Variants in KCNJ3 observed in about 807,000 individuals in gnomAD.
KCNJ3 encodes the protein G protein-activated inward rectifier potassium channel 1.
In KCNJ3, 4 loss-of-function variants were observed where a neutral mutation model predicts 39.2. That is an observed-to-expected ratio of 0.10 (90% CI 0.05 to 0.23). KCNJ3 has a LOEUF of 0.23. KCNJ3 is among the 10% of genes least tolerant of loss of function. KCNJ3 has a pLI of 1.00. For synonymous variants in KCNJ3, 230 were observed against 237.4 expected, an observed-to-expected ratio of 0.97 and a Z score of 0.29; for missense variants, 276 against 634.9, an observed-to-expected ratio of 0.43 and a Z score of 6.08.
At chr2:154,729,616 A>G (rs1482408880) in intron 2 of KCNJ3, among the ~76,000 whole-genome samples, 1 of 152,184 alleles carries the variant, frequency 6.6e-6, no homozygotes, top group Non-Finnish European at 1.5e-5. Flanking sequence ...AACCATCTGC[A>G]GTAAAGCAGT....
At chr2:154,835,464 ATGAATATGAATATATAATATTC>A (rs1337019099) in intron 2 of KCNJ3, among the ~76,000 whole-genome samples, 2 of 95,760 alleles carry the variant, frequency 2.1e-5, no homozygotes, top group African/African-American at 6.4e-5. Context: ...TATAATATTC[ATGAATATGAATATATAATATTC>A]ATGAATATGA....
chr2:154,736,811 CTG>C (rs1685555313), intron 2 of KCNJ3, among the ~76,000 whole-genome samples: 4 of 152,108 alleles, frequency 2.6e-5, no homozygotes, highest in Non-Finnish European at 5.9e-5. Context: ...CCAGTGATTC[CTG>C]AGAGACAAGA....
intron 2 of KCNJ3, among the ~76,000 whole-genome samples, chr2:154,757,938 TA>T (rs1316728282): frequency 2.6e-5 from 4 of 152,132 alleles, no homozygotes; most frequent in African/African-American, 9.7e-5. Context: ...TCAAATTGAG[TA>T]TTGTGTTTTA....
At position 154,710,535 on chromosome 2, in the gene KCNJ3, T is replaced by C. The variant is rs190340326; in HGVS notation, c.919+716T>C. On this transcript the variant is annotated intron_variant, in intron 2 of 2. Coordinates refer to ENST00000295101, the MANE Select transcript of KCNJ3 (RefSeq NM_002239.4). ...TAAACAATAGTTATGAGCATATTAT[T>C]TGGGGCCTACACATTGCTTAGTTTG... 9.8e-4 allele frequency among the ~76,000 whole-genome samples: 149 copies of C among 152,260 alleles called. 1 individual carries two copies. Among genetic ancestry groups the C allele is most frequent in the Non-Finnish European group, 6.8e-4 (46 of 68,008 alleles).
intron 2 of KCNJ3, among the ~76,000 whole-genome samples, chr2:154,731,055 G>A (rs568227324): frequency 9.9e-4 from 150 of 152,248 alleles, no homozygotes; most frequent in Middle Eastern, 3.4e-3. Context: ...AGAAGAATAT[G>A]ATTAAATGCC....
intron 2 of KCNJ3, among the ~76,000 whole-genome samples, chr2:154,714,832 C>T (rs1363644106): frequency 1.3e-5 from 2 of 152,092 alleles, no homozygotes; most frequent in Non-Finnish European, 2.9e-5. Context: ...AAAATCCCTG[C>T]CTTGTATGGA....
chr2:154,819,113 A>G (rs1022981075), intron 2 of KCNJ3, among the ~76,000 whole-genome samples: 7 of 151,870 alleles, frequency 4.6e-5, no homozygotes, highest in Non-Finnish European at 1.0e-4. Context: ...CCTGAGAGAC[A>G]TAGTGAAACC....
intron 2 of KCNJ3, among the ~76,000 whole-genome samples, chr2:154,839,143 G>A (rs976029531): frequency 6.6e-6 from 1 of 152,096 alleles, no homozygotes; most frequent in African/African-American, 2.4e-5. Context: ...TCCCCGCCTT[G>A]TGTCCAAGTG....
At chr2:154,793,762 TG>T (rs1170871841) in intron 2 of KCNJ3, among the ~76,000 whole-genome samples, 1 of 152,032 alleles carries the variant, frequency 6.6e-6, no homozygotes, top group African/African-American at 2.4e-5. Context: ...ACCGTTAATA[TG>T]TTTCTCTGTA....
chr2:154,723,397 G>T (rs1374903851), intron 2 of KCNJ3, among the ~76,000 whole-genome samples: 1 of 152,182 alleles, frequency 6.6e-6, no homozygotes, highest in Non-Finnish European at 1.5e-5. Flanking sequence ...ACAGTAAGGT[G>T]TAAGCTAGAA....
Position 154,781,740 on chromosome 2 carries a change from C to A in KCNJ3, c.919+71921C>A, listed in dbSNP as rs560540578. ...TTTAGGTACTTTTTACTTGCCCGAACCATTTAATAATTTATTTGCAATAGG... is the reference window on the plus strand; with the variant it reads ...TTTAGGTACTTTTTACTTGCCCGAAACATTTAATAATTTATTTGCAATAGG... On this transcript the variant is annotated intron_variant, in intron 2 of 2. Coordinates refer to ENST00000295101, the MANE Select transcript of KCNJ3 (RefSeq NM_002239.4). 4.6e-5 allele frequency among the ~76,000 whole-genome samples: 7 copies of A among 152,072 alleles called. No homozygotes were observed. In the South Asian group the frequency reaches 1.5e-3, roughly 32 times the overall value.
intron 1 of KCNJ3, among the ~76,000 whole-genome samples, chr2:154,702,231 A>G (rs773448479): frequency 4.6e-5 from 7 of 151,998 alleles, no homozygotes; most frequent in Non-Finnish European, 8.8e-5. Context: ...TCTTTAATGC[A>G]GAATGTGTAG....
chr2:154,722,135 T>A (rs1042099785), intron 2 of KCNJ3, among the ~76,000 whole-genome samples: 1 of 152,000 alleles, frequency 6.6e-6, no homozygotes, highest in Non-Finnish European at 1.5e-5. Context: ...CAAAGATTTT[T>A]TTTTTTTGCA....
intron 2 of KCNJ3, among the ~76,000 whole-genome samples, chr2:154,751,482 A>G (rs1002497559): frequency 6.6e-6 from 1 of 152,034 alleles, no homozygotes; most frequent in East Asian, 1.9e-4. Flanking sequence ...TTATAGACAC[A>G]GGATATGTCC....
chr2:154,750,397 A>G (rs1034241228), intron 2 of KCNJ3, among the ~76,000 whole-genome samples: 17 of 152,000 alleles, frequency 1.1e-4, no homozygotes, highest in African/African-American at 3.9e-4. Context: ...CAACTAATAT[A>G]TATAAATTAT....
At chr2:154,834,513 C>A (rs1255682314) in intron 2 of KCNJ3, among the ~76,000 whole-genome samples, 1 of 151,994 alleles carries the variant, frequency 6.6e-6, no homozygotes, top group Non-Finnish European at 1.5e-5. Context: ...GGGTGGATCA[C>A]GCGGTAAGGA....
intron 2 of KCNJ3, among the ~76,000 whole-genome samples, chr2:154,755,538 G>A (rs1229121680): frequency 2.0e-5 from 3 of 149,882 alleles, no homozygotes; most frequent in Non-Finnish European, 4.4e-5. Flanking sequence ...GCCATAGGAG[G>A]TACTCAAATT....
intron 2 of KCNJ3, among the ~76,000 whole-genome samples, chr2:154,777,950 C>T (rs1357838027): frequency 1.3e-5 from 2 of 152,112 alleles, no homozygotes; most frequent in East Asian, 3.9e-4. Flanking sequence ...CAATAAACCA[C>T]TTCATCTATA....
chr2:154,855,413 C>T lies in KCNJ3; in HGVS notation c.*100C>T, dbSNP rs1308978921. The T allele has an allele frequency of 1.5e-5, 12 of 818,842 alleles. No homozygotes were observed. Among genetic ancestry groups the T allele is most frequent in the Non-Finnish European group, 2.3e-5 (12 of 527,638 alleles). The allele number at this position is 818,842 out of a possible 1,614,324, so 50.7% of individuals were successfully genotyped here. A position where few individuals can be genotyped will look rare whatever the true frequency, so the allele number is the denominator to read the frequency against. On this transcript the variant is annotated 3_prime_UTR_variant, in exon 3 of 3. Coordinates refer to ENST00000295101, the MANE Select transcript of KCNJ3 (RefSeq NM_002239.4). ...CTAAGGAATCTGAAAGTATATTTTC[C>T]TCCCAGTTCTACAAGCATATTTGAG... is the stretch of plus-strand genomic sequence containing the variant.
Sources: allele counts gnomAD v4.1 joint callset (sites outside exome capture counted in the v4.1 genomes callset), GRCh38; gene constraint gnomAD v4.1.1; transcripts MANE v1.5; gene names NCBI Gene and HGNC (gene_info 2026-07-23, HGNC 2026-07-21).